The following P3H2 variants were observed in gnomAD, a reference collection of about 807,000 sequenced individuals.
The protein encoded by P3H2 is prolyl 3-hydroxylase 2, also known as leprecan-like 1.
Under a neutral mutation model 87.0 loss-of-function variants are expected in P3H2, and 80 were observed. The ratio of observed to expected loss-of-function variants is 0.92; its 90% CI spans 0.77 to 1.11. The LOEUF (loss-of-function observed/expected upper bound fraction) is 1.11. P3H2 is among the 50% of genes least tolerant of loss of function. P3H2 has a pLI of 0.00. For missense variants in P3H2, 1,001 were observed against 923.9 expected, an observed-to-expected ratio of 1.08 and a Z score of -1.08; for synonymous variants, 367 against 359.3, an observed-to-expected ratio of 1.02 and a Z score of -0.24.
chr3:189,987,646 C>A lies in P3H2; in HGVS notation c.979G>T (p.Glu327Ter). ...CATAGAAGATAGGCTTTGGCACACTCCAGGGCTTTCACATACTCACCAACT... is the reference window on the plus strand; with the variant it reads ...CATAGAAGATAGGCTTTGGCACACTACAGGGCTTTCACATACTCACCAACT... ...YRVGEYVKAL[E>*]CAKAYLLCHP... The change falls in exon 5 of 15, where the codon GAG becomes TAG. Residue 327 changes from glutamate to a stop codon, truncating the protein, a stop_gained. Transcript: ENST00000319332. LOFTEE classifies it high-confidence loss of function. 6.2e-7 allele frequency: 1 copy of A among 1,614,178 alleles called. No individual in the cohort carries two copies. The highest frequency in any genetic ancestry group is 8.5e-7 in the Non-Finnish European group (1 of 1,180,028).
rs377460199 is a variant in P3H2 at position 189,986,796 on chromosome 3, T to C, written c.1180A>G (p.Thr394Ala). ...SAAEGLGFSYTEPNYWIRYGG... is the reference protein window; with the variant it reads ...SAAEGLGFSYAEPNYWIRYGG... ...TTCCTCTTTCCTCTTACCGGTTCAG[T>C]GTATGAAAACCCCAGACCTTCTGCA... Residue 394 changes from threonine (T) to alanine (A), a missense_variant, in exon 6 of 15, where the codon ACT becomes GCT. By Grantham distance (58) the Thr-to-Ala change is moderately conservative. Coordinates refer to ENST00000319332, the MANE Select transcript of P3H2 (RefSeq NM_018192.4). The C allele has an allele frequency of 8.9e-5, 142 of 1,601,048 alleles. No individual in the cohort carries two copies. Among genetic ancestry groups the C allele is most frequent in the Non-Finnish European group, 1.2e-4 (140 of 1,168,256 alleles).
intron 1 of P3H2, among the ~76,000 whole-genome samples, chr3:190,000,275 A>G (rs1724170096): frequency 6.6e-6 from 1 of 152,218 alleles, no homozygotes; most frequent in South Asian, 2.1e-4. Flanking sequence ...ATTCAAGAAC[A>G]CACACATAGG....
intron 3 of P3H2, among the ~76,000 whole-genome samples, chr3:189,993,603 T>C (rs1435456531): frequency 6.6e-6 from 1 of 152,122 alleles, no homozygotes; most frequent in Non-Finnish European, 1.5e-5. Flanking sequence ...AGTTGAAGAC[T>C]ACACAAAAGT....
chr3:190,028,381 T>G (rs977851989), intron 1 of P3H2, among the ~76,000 whole-genome samples: 3 of 152,196 alleles, frequency 2.0e-5, no homozygotes, highest in Admixed American at 6.5e-5. Flanking sequence ...AGAGGCTTAG[T>G]GAAGGTCGGG....
intron 1 of P3H2, among the ~76,000 whole-genome samples, chr3:190,065,090 C>A (rs1429776778): frequency 6.6e-6 from 1 of 152,160 alleles, no homozygotes; most frequent in African/African-American, 2.4e-5. Context: ...TCCAGGAGAG[C>A]ACTGTCTCCA....
In P3H2 at chr3:189,995,269, G is replaced by A. The variant is rs758780265; in HGVS notation, c.633+21C>T. The A allele has an allele frequency of 3.5e-5, 56 of 1,613,414 alleles. 2 individuals carry two copies. The South Asian group carries it at 6.0e-4, about 17-fold the overall frequency. On this transcript the variant is annotated intron_variant, in intron 2 of 14. Coordinates refer to ENST00000319332, the MANE Select transcript of P3H2 (RefSeq NM_018192.4). The stretch of plus-strand genomic sequence containing the variant: ...GAGCACTTAGCTCCCTGTGGTGAGG[G>A]CAGGGGCCCACAGAGCTTACCATGT...
chr3:189,987,532 T>C lies in P3H2; in HGVS notation c.1093A>G (p.Arg365Gly). The change falls in exon 5 of 15, where the codon AGA becomes GGA. Residue 365 changes from arginine to glycine, a missense_variant. By Grantham distance (125) the Arg-to-Gly change is moderately radical. Coordinates refer to ENST00000319332, the MANE Select transcript of P3H2 (RefSeq NM_018192.4). ...TTTCAAAACATTGGTCTCACCTCTCTGGCCTCAATGGATGCCGGGTCAATG... is the reference window on the plus strand; with the variant it reads ...TTTCAAAACATTGGTCTCACCTCTCCGGCCTCAATGGATGCCGGGTCAATG... ...DSIDPASIEA[R>G]EDLTMFVKRH... The C allele has an allele frequency of 2.5e-6, 4 of 1,613,720 alleles. No homozygotes were observed. The highest frequency in any genetic ancestry group is 3.4e-6 in the Non-Finnish European group (4 of 1,179,738).
At chr3:190,012,207 G>GGGGTGTGTGTGTGT (rs1283396692) in intron 1 of P3H2, among the ~76,000 whole-genome samples, 107 of 145,702 alleles carry the variant, frequency 7.3e-4, no homozygotes, top group African/African-American at 2.6e-3. Flanking sequence ...TGTAGGTAAA[G>GGGGTGTGTGTGTGT]GTGTGTGTGT....
Position 190,042,428 on chromosome 3 carries a change from T to TTGTG in P3H2, c.481-46990_481-46987dup, listed in dbSNP as rs58506083. On this transcript the variant is annotated intron_variant, in intron 1 of 14. Coordinates refer to ENST00000319332, the MANE Select transcript of P3H2 (RefSeq NM_018192.4). ...AAGAACTTCATTGTCTTGTAAGATT[T>TTGTG]TGTGTGTGTGTGTGTGTGTGTGTGT... 7.9e-3 allele frequency among the ~76,000 whole-genome samples: 1,191 copies of TTGTG among 150,808 alleles called. 8 individuals are homozygous for TTGTG. Among genetic ancestry groups the TTGTG allele is most frequent in the Non-Finnish European group, 0.011 (726 of 67,526 alleles).
chr3:189,962,935 G>A (rs1305347319), intron 14 of P3H2, among the ~76,000 whole-genome samples: 1 of 152,228 alleles, frequency 6.6e-6, no homozygotes, highest in Non-Finnish European at 1.5e-5. Flanking sequence ...TAGGGCTGGA[G>A]AAGATTTGGA....
chr3:190,089,726 T>C (rs1467028141), intron 1 of P3H2, among the ~76,000 whole-genome samples: 1 of 152,206 alleles, frequency 6.6e-6, no homozygotes, highest in Non-Finnish European at 1.5e-5. Flanking sequence ...AAACAAGTGC[T>C]GGTTGTCATG....
At chr3:189,975,582 G>C (rs1416115824) in intron 8 of P3H2, among the ~76,000 whole-genome samples, 1 of 152,158 alleles carries the variant, frequency 6.6e-6, no homozygotes, top group East Asian at 1.9e-4. Flanking sequence ...CTTGTCCATA[G>C]CAACAGCCGA....
In P3H2 at chr3:190,120,820, G is replaced by A; in HGVS notation, c.-89C>T. 6 of 1,463,960 alleles carry A rather than the reference G, an allele frequency of 4.1e-6. No homozygotes were observed. The highest frequency in any genetic ancestry group is 5.4e-6 in the Non-Finnish European group (6 of 1,111,154). The allele number at this position is 1,463,960 out of a possible 1,614,324, so 90.7% of individuals were successfully genotyped here. On this transcript the variant is annotated 5_prime_UTR_variant, in exon 1 of 15. Coordinates refer to ENST00000319332, the MANE Select transcript of P3H2 (RefSeq NM_018192.4). ...GGTCCCCTCTCCCACCTTCCCTCGG[G>A]GAAGCGCGCCGACTCCGCCGCGATC...
chr3:189,976,771 T>G (rs1237371852), intron 8 of P3H2, among the ~76,000 whole-genome samples: 1 of 152,196 alleles, frequency 6.6e-6, no homozygotes, highest in Non-Finnish European at 1.5e-5. Context: ...CCCTAATTGC[T>G]TCTCTTAATT....
chr3:189,985,042 ATAAG>A (rs1181082189), intron 6 of P3H2, among the ~76,000 whole-genome samples: 2 of 152,068 alleles, frequency 1.3e-5, no homozygotes, highest in Non-Finnish European at 2.9e-5. Context: ...TAAAAGAATA[ATAAG>A]TAAGGCCCGA....
At chr3:190,004,430 T>G (rs890757423) in intron 1 of P3H2, among the ~76,000 whole-genome samples, 42 of 152,184 alleles carry the variant, frequency 2.8e-4, no homozygotes, top group African/African-American at 9.4e-4. Context: ...TCGCCCAGGC[T>G]GGAGTGCAGT....
intron 8 of P3H2, among the ~76,000 whole-genome samples, chr3:189,979,396 C>A (rs1159677741): frequency 6.6e-6 from 1 of 151,956 alleles, no homozygotes; most frequent in African/African-American, 2.4e-5. Flanking sequence ...CCACTGTACT[C>A]CAGCTTGGGC....
chr3:189,960,594 C>T (rs1209309776), intron 14 of P3H2, among the ~76,000 whole-genome samples: 1 of 152,168 alleles, frequency 6.6e-6, no homozygotes, highest in Non-Finnish European at 1.5e-5. Flanking sequence ...CCTCAAACCA[C>T]GCATTTGCTG....
chr3:190,065,547 A>AT (rs972935935), intron 1 of P3H2, among the ~76,000 whole-genome samples: 5 of 151,682 alleles, frequency 3.3e-5, no homozygotes, highest in South Asian at 2.1e-4. Context: ...CGACATAGAG[A>AT]TTTTTTTTTC....
Sources: gnomAD v4.1 joint callset for allele counts (sites outside exome capture counted in the v4.1 genomes callset) on GRCh38, gnomAD v4.1.1 for gene constraint, MANE v1.5 for transcripts, NCBI Gene and HGNC (gene_info 2026-07-23, HGNC 2026-07-21) for gene names.